Variants in SEMA3A observed in about 807,000 individuals in gnomAD.
SEMA3A encodes semaphorin-3A.
Under a neutral mutation model 97.9 loss-of-function variants are expected in SEMA3A, and 29 were observed. That is an observed-to-expected ratio of 0.30 (90% CI 0.22 to 0.40). SEMA3A has a LOEUF of 0.40. Ranked by LOEUF, SEMA3A falls within the 10% of genes least tolerant of loss-of-function variation. The pLI, the probability that SEMA3A is intolerant of heterozygous loss-of-function variation, is 1.00. For synonymous variants in SEMA3A, 321 were observed against 323.7 expected, an observed-to-expected ratio of 0.99 and a Z score of 0.09; for missense variants, 763 against 951.3, an observed-to-expected ratio of 0.80 and a Z score of 2.60.
At chr7:84,020,309 T>G (rs937961299) in intron 6 of SEMA3A, among the ~76,000 whole-genome samples, 1 of 152,036 alleles carries the variant, frequency 6.6e-6, no homozygotes, top group Non-Finnish European at 1.5e-5. Flanking sequence ...CTTCCCAAAG[T>G]GCTGGATTAC....
intron 1 of SEMA3A, among the ~76,000 whole-genome samples, chr7:84,373,869 C>T (rs554781636): frequency 1.3e-5 from 2 of 152,138 alleles, no homozygotes; most frequent in Admixed American, 6.6e-5. Context: ...AAGTTACATT[C>T]ATTAACATTA....
chr7:84,410,580 G>T (rs999654823), intron 1 of SEMA3A, among the ~76,000 whole-genome samples: 1 of 152,080 alleles, frequency 6.6e-6, no homozygotes, highest in African/African-American at 2.4e-5. Context: ...TTTGTTTTCT[G>T]TTGGAAATGT....
chr7:84,065,690 G>A (rs553501550), intron 4 of SEMA3A, among the ~76,000 whole-genome samples: 3 of 152,166 alleles, frequency 2.0e-5, no homozygotes, highest in Non-Finnish European at 2.9e-5. Context: ...TAAATTCCTC[G>A]ACGTATACAC....
intron 1 of SEMA3A, among the ~76,000 whole-genome samples, chr7:84,487,788 C>A (rs1279750865): frequency 6.6e-6 from 1 of 151,794 alleles, no homozygotes; most frequent in East Asian, 1.9e-4. Context: ...TTTTAAAAAT[C>A]GTTTTTTTCT....
chr7:84,054,038 GC>G (rs1176120577), intron 5 of SEMA3A, among the ~76,000 whole-genome samples: 3 of 151,816 alleles, frequency 2.0e-5, no homozygotes, highest in Non-Finnish European at 4.4e-5. Flanking sequence ...TTGAATATTG[GC>G]CCCCACTCTC....
intron 11 of SEMA3A, among the ~76,000 whole-genome samples, chr7:84,003,111 AGAAAAATAATTCATC>A: frequency 6.6e-6 from 1 of 152,282 alleles, no homozygotes; most frequent in East Asian, 1.9e-4. Flanking sequence ...AAATTATATG[AGAAAAATAATTCATC>A]GATAACTGTT....
At chr7:84,488,869 T>G (rs1172192255) in intron 1 of SEMA3A, among the ~76,000 whole-genome samples, 1 of 152,170 alleles carries the variant, frequency 6.6e-6, no homozygotes, top group African/African-American at 2.4e-5. Flanking sequence ...TAAATTCAAG[T>G]AGTCCCGATA....
In SEMA3A at chr7:83,994,913, G is replaced by T. The variant is rs576965486; in HGVS notation, c.1452+7042C>A. 2.0e-5 allele frequency among the ~76,000 whole-genome samples: 3 copies of T among 152,158 alleles called. No individual in the cohort carries two copies. The South Asian group carries it at 6.2e-4, about 32-fold the overall frequency. Reference sequence around the variant, plus strand: ...GGCAATGGCGGGCACCCCTCCCCCAGCCTAGCTGCCGCCTTGCAGTTTGAT... The same window carrying T: ...GGCAATGGCGGGCACCCCTCCCCCATCCTAGCTGCCGCCTTGCAGTTTGAT... On this transcript the variant is annotated intron_variant, in intron 12 of 16. Transcript: ENST00000265362.
intron 3 of SEMA3A, among the ~76,000 whole-genome samples, chr7:84,293,073 T>C (rs971990709): frequency 3.3e-5 from 5 of 152,094 alleles, no homozygotes; most frequent in Non-Finnish European, 5.9e-5. Flanking sequence ...AAGCACTAGT[T>C]ATAAAAACTT....
intron 6 of SEMA3A, among the ~76,000 whole-genome samples, chr7:84,039,039 A>T (rs1372182179): frequency 6.6e-6 from 1 of 152,174 alleles, no homozygotes; most frequent in Admixed American, 6.5e-5. Context: ...AAGGAAGACA[A>T]GCATAAATTC....
Position 84,276,680 on chromosome 7 carries a change from T to C in SEMA3A, c.-83+30527A>G, listed in dbSNP as rs367741457. 3.3e-5 allele frequency among the ~76,000 whole-genome samples: 5 copies of C among 152,244 alleles called. No homozygotes were observed. In the East Asian group the frequency reaches 5.8e-4, roughly 18 times the overall value. ...ATTACAAATATTTTATACAGTAATATACTATCAAGCTCAGCTGGTTTAAAA... is the reference window on the plus strand; with the variant it reads ...ATTACAAATATTTTATACAGTAATACACTATCAAGCTCAGCTGGTTTAAAA... On this transcript the variant is annotated intron_variant, in intron 3 of 3. Coordinates refer to the SEMA3A transcript ENST00000424555.
At chr7:84,460,561 A>G (rs151216897) in intron 1 of SEMA3A, among the ~76,000 whole-genome samples, 2,361 of 152,312 alleles carry the variant, frequency 0.016, 67 homozygotes, top group African/African-American at 0.053. Flanking sequence ...ACTTGATAAA[A>G]TCAAGTTAAA....
intron 3 of SEMA3A, among the ~76,000 whole-genome samples, chr7:84,276,664 A>G (rs1415088308): frequency 6.6e-6 from 1 of 152,072 alleles, no homozygotes; most frequent in Non-Finnish European, 1.5e-5. Context: ...TATTACAAAT[A>G]TTTTATACAG....
At chr7:84,332,043 T>G (rs1801921752) in intron 2 of SEMA3A, among the ~76,000 whole-genome samples, 1 of 152,176 alleles carries the variant, frequency 6.6e-6, no homozygotes, top group Admixed American at 6.6e-5. Context: ...CACAAAATTC[T>G]CATAAGCAGG....
At chr7:84,071,690 C>A (rs1222529022) in intron 4 of SEMA3A, among the ~76,000 whole-genome samples, 2 of 152,182 alleles carry the variant, frequency 1.3e-5, no homozygotes, top group East Asian at 3.9e-4. Context: ...CTATCCATAC[C>A]TTTCTTCTGT....
chr7:84,474,615 A>C (rs1458484418), intron 1 of SEMA3A, among the ~76,000 whole-genome samples: 5 of 152,172 alleles, frequency 3.3e-5, no homozygotes, highest in Non-Finnish European at 7.4e-5. Flanking sequence ...CAGAGCCCAA[A>C]GAAGGGAGCT....
intron 1 of SEMA3A, among the ~76,000 whole-genome samples, chr7:84,449,565 T>G (rs1355225348): frequency 6.6e-6 from 1 of 152,168 alleles, no homozygotes; most frequent in East Asian, 1.9e-4. Context: ...AGTAATTGAA[T>G]TTATTATAAA....
intron 4 of SEMA3A, among the ~76,000 whole-genome samples, chr7:84,088,608 G>A (rs567257378): frequency 1.3e-5 from 2 of 152,140 alleles, no homozygotes; most frequent in East Asian, 1.9e-4. Context: ...TCTATATGCT[G>A]GTTGATTGGG....
intron 12 of SEMA3A, among the ~76,000 whole-genome samples, chr7:83,989,356 G>A (rs1045216842): frequency 1.3e-5 from 2 of 151,762 alleles, no homozygotes; most frequent in Non-Finnish European, 1.5e-5. Context: ...TAGGGTACAT[G>A]TGCACCTTGT....
Sources: gnomAD v4.1 joint callset for allele counts (sites outside exome capture counted in the v4.1 genomes callset) on GRCh38, gnomAD v4.1.1 for gene constraint, MANE v1.5 for transcripts, NCBI Gene and HGNC (gene_info 2026-07-23, HGNC 2026-07-21) for gene names.